Variants in ASCC3 observed in about 807,000 individuals in gnomAD.
ASCC3 encodes ASC-1 complex subunit P200.
A neutral mutation model predicts 256.3 loss-of-function variants in ASCC3; 158 were observed. The observed-to-expected ratio is 0.62, with a 90% CI of 0.54 to 0.70. The LOEUF is 0.70. Ranked by LOEUF, ASCC3 falls within the 30% of genes least tolerant of loss-of-function variation. The pLI, the probability that ASCC3 is intolerant of heterozygous loss-of-function variation, is 0.00. For missense variants in ASCC3, 2,259 were observed against 2,626.0 expected (o/e 0.86, Z 3.05); for synonymous variants, 948 against 883.4 (o/e 1.07, Z -1.30).
In ASCC3 at chr6:100,638,598, G is replaced by T; in HGVS notation, c.4122+3C>A. On this transcript the variant is annotated splice_donor_region_variant and intron_variant, in intron 25 of 41. Coordinates refer to ENST00000369162, the MANE Select transcript of ASCC3 (RefSeq NM_006828.4). ...AAATGTAAGTATGATTCTTTCAACA[G>T]ACCTTTGAAGTAGGGTATTTGTTGA... The T allele has an allele frequency of 6.3e-7, 1 of 1,596,756 alleles. No homozygotes were observed. Among genetic ancestry groups the T allele is most frequent in the Non-Finnish European group, 8.6e-7 (1 of 1,164,526 alleles).
chr6:100,537,433 G>T (rs1775213474), intron 37 of ASCC3, among the ~76,000 whole-genome samples: 1 of 152,158 alleles, frequency 6.6e-6, no homozygotes, highest in Non-Finnish European at 1.5e-5. Context: ...GTGGGATCTT[G>T]AATTGGATCA....
chr6:100,732,024 G>A (rs1020753682), intron 10 of ASCC3, among the ~76,000 whole-genome samples: 1 of 152,086 alleles, frequency 6.6e-6, no homozygotes, highest in Non-Finnish European at 1.5e-5. Context: ...AGCCAGGCAT[G>A]GTGGTAGGCG....
intron 19 of ASCC3, among the ~76,000 whole-genome samples, 183 bp downstream of exon 19, chr6:100,651,377 T>A (rs892621569): frequency 2.0e-5 from 3 of 151,946 alleles, no homozygotes; most frequent in Admixed American, 2.0e-4. Context: ...GAGAAAAGAA[T>A]GATGTCAGGT....
intron 13 of ASCC3, among the ~76,000 whole-genome samples, chr6:100,712,732 A>G (rs1778908862): frequency 6.7e-6 from 1 of 149,264 alleles, no homozygotes; most frequent in Admixed American, 6.7e-5. Flanking sequence ...CTCCTACCAT[A>G]TGATCTAGCA....
At chr6:100,640,425 T>C (rs1410415636) in intron 24 of ASCC3, among the ~76,000 whole-genome samples, 1 of 152,164 alleles carries the variant, frequency 6.6e-6, no homozygotes, top group Admixed American at 6.5e-5. Context: ...GTGGTACATT[T>C]ATTGTTTTTA....
chr6:100,810,222 T>C (rs1353424766), intron 4 of ASCC3, among the ~76,000 whole-genome samples: 5 of 152,146 alleles, frequency 3.3e-5, no homozygotes, highest in Non-Finnish European at 5.9e-5. Flanking sequence ...CATGTGTCTC[T>C]ACATGCTGGT....
chr6:100,852,998 A>G (rs1318996343), intron 3 of ASCC3, among the ~76,000 whole-genome samples: 1 of 152,116 alleles, frequency 6.6e-6, no homozygotes, highest in African/African-American at 2.4e-5. Flanking sequence ...ATTAAAAAAA[A>G]AAAAGTCAAA....
intron 10 of ASCC3, among the ~76,000 whole-genome samples, chr6:100,765,823 A>C (rs959293613): frequency 6.6e-6 from 1 of 152,140 alleles, no homozygotes; most frequent in Non-Finnish European, 1.5e-5. Context: ...ATTAATTCAC[A>C]CCCCAATCAC....
chr6:100,667,174 G>A (rs1425575595), intron 14 of ASCC3, among the ~76,000 whole-genome samples: 2 of 152,150 alleles, frequency 1.3e-5, no homozygotes, highest in Admixed American at 1.3e-4. Context: ...CACATTCCCT[G>A]AATGAATGAA....
chr6:100,713,734 C>A (rs1159410419), intron 13 of ASCC3, among the ~76,000 whole-genome samples: 1 of 151,984 alleles, frequency 6.6e-6, no homozygotes, highest in Non-Finnish European at 1.5e-5. Flanking sequence ...TTTAAAAAAA[C>A]TAAATTGAGA....
chr6:100,592,899 G>A (rs555050072), intron 34 of ASCC3, among the ~76,000 whole-genome samples: 6 of 152,168 alleles, frequency 3.9e-5, no homozygotes, highest in South Asian at 2.1e-4. Context: ...AGGATAAAAC[G>A]TAGTTTTATG....
chr6:100,765,774 C>T (rs1412087309), intron 10 of ASCC3, among the ~76,000 whole-genome samples: 1 of 152,154 alleles, frequency 6.6e-6, no homozygotes. Flanking sequence ...TGGTCTATAC[C>T]ACCAAGCTTA....
chr6:100,655,380 G>T (rs1027483965), intron 17 of ASCC3, among the ~76,000 whole-genome samples: 4 of 151,764 alleles, frequency 2.6e-5, no homozygotes. Context: ...GTTTCCTCAT[G>T]TCTAATTTAT....
intron 4 of ASCC3, among the ~76,000 whole-genome samples, chr6:100,824,340 A>T (rs1221087047): frequency 6.6e-6 from 1 of 152,198 alleles, no homozygotes; most frequent in African/African-American, 2.4e-5. Context: ...CCATCTAGTG[A>T]CTACTAGAGA....
intron 37 of ASCC3, among the ~76,000 whole-genome samples, chr6:100,536,806 C>T (rs954344342): frequency 2.0e-5 from 3 of 152,054 alleles, no homozygotes; most frequent in African/African-American, 4.8e-5. Flanking sequence ...TAAAAGGAAC[C>T]AAGTTTCTTA....
In ASCC3 at chr6:100,644,226, T is replaced by C. The variant is rs1023620434; in HGVS notation, c.3634-97A>G. 1.6e-5 allele frequency: 13 copies of C among 814,016 alleles called. No individual in the cohort carries two copies. In the African/African-American group the frequency reaches 1.9e-4, roughly 12 times the overall value. The allele number at this position is 814,016 out of a possible 1,614,324, so 50.4% of individuals were successfully genotyped here. A position where few individuals can be genotyped will look rare whatever the true frequency, so the allele number is the denominator to read the frequency against. On this transcript the variant is annotated intron_variant, in intron 22 of 41. Transcript: ENST00000369162. ...CTCTAGAAGCTTTATTGATATATCA[T>C]TTATATTACAAAGTTTACTCATTTA...
At chr6:100,863,993 T>C in intron 3 of ASCC3, 71 bp downstream of exon 3, 1 of 1,283,488 alleles carries the variant, frequency 7.8e-7, no homozygotes, top group Non-Finnish European at 1.1e-6. Context: ...TAGTATGTTG[T>C]TTACAAGGAA....
chr6:100,856,522 T>C, intron 3 of ASCC3: 1 of 698,462 alleles, frequency 1.4e-6, no homozygotes, highest in Non-Finnish European at 1.8e-6. Flanking sequence ...ACAGTACACA[T>C]ACAGTTCAAA....
rs575869129 is a variant in ASCC3, at chr6:100,509,233, C to T, written c.*153G>A. On this transcript the variant is annotated 3_prime_UTR_variant, in exon 42 of 42. Coordinates refer to ENST00000369162, the MANE Select transcript of ASCC3 (RefSeq NM_006828.4). ...GGCCACTGTGGTTAACTTTATGTCA[C>T]TGGAGTCAATACTGCAGCCACTGTC... 2.1e-6 allele frequency: 2 copies of T among 967,080 alleles called. No homozygotes were observed. The highest frequency in any genetic ancestry group is 4.8e-5 in the East Asian group (2 of 41,456). The allele number at this position is 967,080 out of a possible 1,614,324, so 59.9% of individuals were successfully genotyped here. A position where few individuals can be genotyped will look rare whatever the true frequency, so the allele number is the denominator to read the frequency against.
Sources: gnomAD v4.1 joint callset for allele counts (sites outside exome capture counted in the v4.1 genomes callset) on GRCh38, gnomAD v4.1.1 for gene constraint, MANE v1.5 for transcripts, NCBI Gene and HGNC (gene_info 2026-07-23, HGNC 2026-07-21) for gene names.